GLIS3: variants seen among roughly 807,000 people sequenced by gnomAD.
The protein encoded by GLIS3 is GLIS family zinc finger 3.
Under a neutral mutation model 78.6 loss-of-function variants are expected in GLIS3, and 53 were observed. The ratio of observed to expected loss-of-function variants is 0.67; its 90% confidence interval spans 0.54 to 0.85. The LOEUF is 0.85. Ranked by LOEUF, GLIS3 falls within the 40% of genes least tolerant of loss-of-function variation. The pLI, the probability that GLIS3 is intolerant of heterozygous loss-of-function variation, is 0.00. For missense variants in GLIS3, 1,703 were observed against 1,231.1 expected, an observed-to-expected ratio of 1.38 and a Z score of -5.74; for synonymous variants, 684 against 509.9, an observed-to-expected ratio of 1.34 and a Z score of -4.60.
intron 2 of GLIS3, among the ~76,000 whole-genome samples, chr9:4,130,687 TCCAGACAGAA>T (rs919403073): frequency 3.9e-5 from 6 of 152,170 alleles, no homozygotes; most frequent in African/African-American, 1.2e-4. Context: ...AGCCTGGATG[TCCAGACAGAA>T]GCCTGCTGCA....
At chr9:4,168,445 A>G (rs527843761) in intron 2 of GLIS3, among the ~76,000 whole-genome samples, 2 of 152,198 alleles carry the variant, frequency 1.3e-5, no homozygotes, top group Non-Finnish European at 2.9e-5. Flanking sequence ...TATCATATGC[A>G]AAGAAATGTT....
At chr9:4,418,988 AT>A in the GLIS3 span, among the ~76,000 whole-genome samples, 1 of 152,342 alleles carries the variant, frequency 6.6e-6, no homozygotes, top group Admixed American at 6.5e-5. Context: ...TGGAAACCGA[AT>A]TGCTGAATCT....
chr9:4,157,258 C>T (rs1299093425), intron 2 of GLIS3, among the ~76,000 whole-genome samples: 1 of 152,196 alleles, frequency 6.6e-6, no homozygotes, highest in Non-Finnish European at 1.5e-5. Flanking sequence ...TAAAGGTCAA[C>T]ATTAACAGTT....
intron 2 of GLIS3, among the ~76,000 whole-genome samples, chr9:4,249,478 G>C (rs1347193177): frequency 1.3e-5 from 2 of 152,160 alleles, no homozygotes; most frequent in Non-Finnish European, 2.9e-5. Flanking sequence ...TGTATCCCTA[G>C]ACTTTGCTGA....
intron 4 of GLIS3, among the ~76,000 whole-genome samples, chr9:4,020,668 C>T (rs979236577): frequency 6.6e-6 from 1 of 152,182 alleles, no homozygotes; most frequent in Non-Finnish European, 1.5e-5. Context: ...GCAGTAAAAG[C>T]CTGAGCTTCC....
chr9:3,875,280 G>A (rs955642897), intron 8 of GLIS3, among the ~76,000 whole-genome samples: 13 of 152,290 alleles, frequency 8.5e-5, no homozygotes, highest in African/African-American at 2.9e-4. Context: ...GAAATAATGT[G>A]TCATTCAGAT....
intron 7 of GLIS3, among the ~76,000 whole-genome samples, chr9:3,885,923 G>C (rs1188219082): frequency 6.6e-6 from 1 of 152,140 alleles, no homozygotes; most frequent in Non-Finnish European, 1.5e-5. Flanking sequence ...AATGTGTCTA[G>C]GCAAATCACT....
intron 2 of GLIS3, among the ~76,000 whole-genome samples, chr9:4,330,428 A>G (rs1817667925): frequency 6.6e-6 from 1 of 152,168 alleles, no homozygotes. Context: ...CACTTTGAAA[A>G]CCACTGGTGT....
At position 3,907,501 on chromosome 9, in the gene GLIS3, T is replaced by C. The variant is rs1309096374; in HGVS notation, c.1984-8666A>G. On this transcript the variant is annotated intron_variant, in intron 6 of 10. Transcript: ENST00000381971. ...ACTGATGCCCCACCCAGCGCCCCTC[T>C]GATCCCTTCGATTAGCAATGTGCTG... 2.0e-5 allele frequency among the ~76,000 whole-genome samples: 3 copies of C among 152,128 alleles called. No individual in the cohort carries two copies. In the East Asian group the frequency reaches 5.8e-4, roughly 29 times the overall value.
At chr9:4,394,964 T>G in the GLIS3 span, among the ~76,000 whole-genome samples, 1 of 152,222 alleles carries the variant, frequency 6.6e-6, no homozygotes. Context: ...TATTTATGAG[T>G]GCTATTCTTG....
intron 6 of GLIS3, among the ~76,000 whole-genome samples, chr9:3,917,934 T>C (rs1049823958): frequency 6.6e-6 from 1 of 152,170 alleles, no homozygotes; most frequent in Non-Finnish European, 1.5e-5. Flanking sequence ...CTGAAAAGAA[T>C]GATTGTATTG....
At chr9:3,910,154 G>A (rs1824037361) in intron 6 of GLIS3, among the ~76,000 whole-genome samples, 1 of 152,156 alleles carries the variant, frequency 6.6e-6, no homozygotes, top group East Asian at 1.9e-4. Context: ...CCCCCCTGTG[G>A]TTTACTCCTC....
At chr9:4,464,101 G>GA in the GLIS3 span, among the ~76,000 whole-genome samples, 2 of 151,944 alleles carry the variant, frequency 1.3e-5, no homozygotes, top group African/African-American at 4.8e-5. Context: ...AATCACACAG[G>GA]AAAAAATCAC....
intron 4 of GLIS3, among the ~76,000 whole-genome samples, chr9:4,061,947 T>C (rs761748118): frequency 2.0e-5 from 3 of 152,220 alleles, no homozygotes; most frequent in Non-Finnish European, 2.9e-5. Context: ...TTAAGTCACA[T>C]GGCAAAAGGG....
the GLIS3 span, among the ~76,000 whole-genome samples, chr9:4,413,323 T>C: frequency 6.6e-6 from 1 of 152,234 alleles, no homozygotes; most frequent in African/African-American, 2.4e-5. Flanking sequence ...TTGTGTTTAA[T>C]ATGACTGTAA....
intron 2 of GLIS3, among the ~76,000 whole-genome samples, chr9:4,180,351 C>T (rs558308587): frequency 6.6e-6 from 1 of 152,302 alleles, no homozygotes; most frequent in South Asian, 2.1e-4. Context: ...AGGAAGTATA[C>T]CACAATAGGA....
At chr9:4,349,951 A>C (rs181439185), upstream of GLIS3, among the ~76,000 whole-genome samples, 1 of 152,348 alleles carries the variant, frequency 6.6e-6, no homozygotes, top group Non-Finnish European at 1.5e-5. Flanking sequence ...TCTGCTGCAG[A>C]GGCTGTGGGT....
intron 4 of GLIS3, among the ~76,000 whole-genome samples, chr9:4,083,856 C>G (rs924519641): frequency 6.6e-6 from 1 of 152,152 alleles, no homozygotes; most frequent in Admixed American, 6.5e-5. Flanking sequence ...TTGCTTACAT[C>G]AATAATTTCT....
intron 2 of GLIS3, among the ~76,000 whole-genome samples, chr9:4,238,507 C>T (rs1163798015): frequency 1.3e-5 from 2 of 152,120 alleles, no homozygotes; most frequent in Admixed American, 6.6e-5. Flanking sequence ...GCCAAATATG[C>T]CCCCAACTTA....
Sources: gnomAD v4.1 joint callset for allele counts (sites outside exome capture counted in the v4.1 genomes callset) on GRCh38, gnomAD v4.1.1 for gene constraint, MANE v1.5 for transcripts, NCBI Gene and HGNC (gene_info 2026-07-23, HGNC 2026-07-21) for gene names.